The following PACS1 variants were observed in gnomAD, a reference collection of about 807,000 sequenced individuals.
PACS1 encodes the protein PACS-1.
PACS1 carries 24 observed loss-of-function variants against 115.0 expected under a neutral mutation model. The observed-to-expected ratio is 0.21, with a 90% CI of 0.15 to 0.29. PACS1 has a LOEUF of 0.29. PACS1 is among the 10% of genes least tolerant of loss of function. The pLI, the probability that PACS1 is intolerant of heterozygous loss-of-function variation, is 1.00. For synonymous variants in PACS1, 453 were observed against 504.5 expected (o/e 0.90, Z 1.37); for missense variants, 838 against 1,251.2 (o/e 0.67, Z 4.98).
intron 11 of PACS1, 196 bp from the exon 12 acceptor site, chr11:66,230,352 G>T: frequency 1.7e-6 from 1 of 588,612 alleles, no homozygotes; most frequent in East Asian, 2.8e-5. Flanking sequence ...TGCCCACACG[G>T]GGTGTACTCA....
At chr11:66,210,929 G>A (rs755913139) in intron 3 of PACS1, among the ~76,000 whole-genome samples, 1 of 152,216 alleles carries the variant, frequency 6.6e-6, no homozygotes, top group Non-Finnish European at 1.5e-5. Flanking sequence ...CTGAATAGGT[G>A]TGGACCCCAG....
At chr11:66,169,405 C>CT (rs59423838) in intron 1 of PACS1, among the ~76,000 whole-genome samples, 30,954 of 143,752 alleles carry the variant, frequency 0.22, 3,937 homozygotes, top group Middle Eastern at 0.28. Context: ...TGGTTCATTA[C>CT]TTTTTTTTTT....
At chr11:66,223,769 A>C (rs780691820) in intron 10 of PACS1, among the ~76,000 whole-genome samples, 5 of 152,224 alleles carry the variant, frequency 3.3e-5, no homozygotes, top group Non-Finnish European at 7.3e-5. Flanking sequence ...TAAGCAGAAC[A>C]CCTAACACTG....
chr11:66,212,202 G>C (rs1033905228), intron 4 of PACS1, among the ~76,000 whole-genome samples: 3 of 151,418 alleles, frequency 2.0e-5, no homozygotes, highest in African/African-American at 7.3e-5. Context: ...CATGATCTTG[G>C]CTCACTGAAA....
At chr11:66,086,418 G>A (rs1487465516) in intron 1 of PACS1, among the ~76,000 whole-genome samples, 2 of 152,104 alleles carry the variant, frequency 1.3e-5, no homozygotes, top group East Asian at 3.9e-4. Flanking sequence ...GATTACAGGC[G>A]TGAGCCACCG....
At chr11:66,159,405 C>G (rs1483151330) in intron 1 of PACS1, among the ~76,000 whole-genome samples, 1 of 152,074 alleles carries the variant, frequency 6.6e-6, no homozygotes, top group African/African-American at 2.4e-5. Context: ...CCATTGCCCT[C>G]CAGCCTGGGC....
At chr11:66,229,844 G>A (rs1267921391) in intron 11 of PACS1, among the ~76,000 whole-genome samples, 1 of 152,122 alleles carries the variant, frequency 6.6e-6, no homozygotes, top group African/African-American at 2.4e-5. Context: ...TAGTCGGGAG[G>A]CTGAAGCAGG....
intron 1 of PACS1, among the ~76,000 whole-genome samples, chr11:66,102,116 C>A (rs891253399): frequency 6.6e-6 from 1 of 152,120 alleles, no homozygotes; most frequent in East Asian, 1.9e-4. Flanking sequence ...CATCCTTGAT[C>A]TCTTCTCCAA....
rs184047703 is a variant in PACS1 at position 66,232,703 on chromosome 11, G to T, written c.1732-257G>T. On this transcript the variant is annotated intron_variant, in intron 14 of 23. Transcript: ENST00000320580. ...CTGTCCACCTGGCTTAGACACTGGTGCCGGGGACACCTGGAGTGTCCTAGC... is the reference window on the plus strand; with the variant it reads ...CTGTCCACCTGGCTTAGACACTGGTTCCGGGGACACCTGGAGTGTCCTAGC... 1.2e-3 allele frequency among the ~76,000 whole-genome samples: 184 copies of T among 152,136 alleles called. 2 individuals carry two copies. The highest frequency in any genetic ancestry group is 1.3e-3 in the Non-Finnish European group (86 of 68,010).
At chr11:66,086,251 G>A (rs1590733841) in intron 1 of PACS1, among the ~76,000 whole-genome samples, 1 of 149,634 alleles carries the variant, frequency 6.7e-6, no homozygotes, top group Non-Finnish European at 1.5e-5. Context: ...CCATTCTCCT[G>A]CCTCAGCCTC....
chr11:66,097,942 C>T (rs191394516), intron 1 of PACS1, among the ~76,000 whole-genome samples: 220 of 152,204 alleles, frequency 1.4e-3, no homozygotes, highest in African/African-American at 5.1e-3. Flanking sequence ...ACTTTGGGGG[C>T]CAAGGTGGGT....
At chr11:66,194,790 T>C (rs1854612993) in intron 2 of PACS1, among the ~76,000 whole-genome samples, 1 of 152,234 alleles carries the variant, frequency 6.6e-6, no homozygotes, top group Admixed American at 6.5e-5. Flanking sequence ...TCACCTACTA[T>C]GCTGCAGTTT....
chr11:66,231,848 C>A (rs571411472), intron 13 of PACS1: 1 of 275,774 alleles, frequency 3.6e-6, no homozygotes, highest in Admixed American at 4.9e-5. Context: ...CTGGTTCTTA[C>A]GCTGCTGCCC....
At chr11:66,182,355 GTTTA>G (rs1860029585) in intron 1 of PACS1, among the ~76,000 whole-genome samples, 1 of 152,082 alleles carries the variant, frequency 6.6e-6, no homozygotes, top group Non-Finnish European at 1.5e-5. Context: ...CCTTAGTTCT[GTTTA>G]TTGTTTAGGC....
chr11:66,202,742 A>ATATATATATAT (rs1554988696), intron 2 of PACS1, among the ~76,000 whole-genome samples: 3 of 71,590 alleles, frequency 4.2e-5, no homozygotes, highest in Non-Finnish European at 4.7e-5. Flanking sequence ...AAAAAAAAAA[A>ATATATATATAT]ATATATATAT....
intron 19 of PACS1, chr11:66,238,392 G>A (rs1193198056): frequency 1.0e-5 from 10 of 972,592 alleles, no homozygotes; most frequent in African/African-American, 3.5e-5. Flanking sequence ...GCAAAGTCTC[G>A]CATGCCCCAT....
intron 2 of PACS1, among the ~76,000 whole-genome samples, chr11:66,209,613 T>G (rs916779065): frequency 1.9e-4 from 29 of 152,126 alleles, no homozygotes; most frequent in Admixed American, 1.6e-3. Context: ...ATATTTGGAC[T>G]GGTAAGAATG....
intron 1 of PACS1, among the ~76,000 whole-genome samples, chr11:66,091,500 G>GTTTTTTTTTTTTTTTTTTT (rs201999955): frequency 6.8e-6 from 1 of 146,910 alleles, no homozygotes; most frequent in Non-Finnish European, 1.5e-5. Flanking sequence ...TGTTGTTGTT[G>GTTTTTTTTTTTTTTTTTTT]TTGTTTTTTT....
intron 21 of PACS1, 23 bp from the exon 22 acceptor site, chr11:66,241,404 T>A: frequency 6.5e-7 from 1 of 1,545,070 alleles, no homozygotes; most frequent in Non-Finnish European, 8.8e-7. Flanking sequence ...AGCTGACCTC[T>A]CCTCTTTGTT....
Sources: allele counts gnomAD v4.1 joint callset (sites outside exome capture counted in the v4.1 genomes callset), GRCh38; gene constraint gnomAD v4.1.1; transcripts MANE v1.5; gene names NCBI Gene and HGNC (gene_info 2026-07-23, HGNC 2026-07-21).